The following MSI2 variants were observed in gnomAD, a reference collection of about 807,000 sequenced individuals.
MSI2 encodes musashi RNA binding protein 2.
Under a neutral mutation model 45.6 loss-of-function variants are expected in MSI2, and 17 were observed. That is an observed-to-expected ratio of 0.37 (90% CI 0.26 to 0.56). MSI2 has a LOEUF of 0.56. MSI2 is among the 20% of genes least tolerant of loss of function. MSI2 has a pLI of 0.77. For synonymous variants in MSI2, 156 were observed against 158.2 expected, an observed-to-expected ratio of 0.99 and a Z score of 0.11; for missense variants, 293 against 444.2, an observed-to-expected ratio of 0.66 and a Z score of 3.06.
At chr17:57,257,313 GC>G (rs1219223201) in intron 2 of MSI2, among the ~76,000 whole-genome samples, 152 bp from the exon 3 acceptor site, 1 of 141,856 alleles carries the variant, frequency 7.0e-6, no homozygotes. Context: ...GACCTCTGTT[GC>G]CGAATTTCCC....
intron 6 of MSI2, among the ~76,000 whole-genome samples, chr17:57,468,347 G>A (rs1480104909): frequency 1.3e-5 from 2 of 151,348 alleles, no homozygotes; most frequent in Non-Finnish European, 2.9e-5. Flanking sequence ...GTGAAACCCC[G>A]TCTCTACTAA....
intron 6 of MSI2, among the ~76,000 whole-genome samples, chr17:57,438,861 G>T (rs1299732856): frequency 1.3e-5 from 2 of 151,356 alleles, no homozygotes; most frequent in Non-Finnish European, 2.9e-5. Context: ...GAGTGCAATG[G>T]CGCAGGTTGC....
intron 10 of MSI2, among the ~76,000 whole-genome samples, chr17:57,639,654 G>T (rs952644760): frequency 7.2e-5 from 11 of 152,244 alleles, no homozygotes; most frequent in African/African-American, 2.4e-4. Flanking sequence ...TTCCACTGAG[G>T]TCCTGCTGCC....
At chr17:57,656,496 G>GA (rs1911599625) in intron 11 of MSI2, among the ~76,000 whole-genome samples, 1 of 152,198 alleles carries the variant, frequency 6.6e-6, no homozygotes, top group Non-Finnish European at 1.5e-5. Context: ...GGTCTATGTG[G>GA]CAGTCCTGTC....
chr17:57,256,318 G>T (rs1906703658), upstream of MSI2, among the ~76,000 whole-genome samples: 1 of 151,688 alleles, frequency 6.6e-6, no homozygotes, highest in African/African-American at 2.4e-5. Flanking sequence ...CACCCTTGTG[G>T]GTCCGGCCGT....
intron 6 of MSI2, among the ~76,000 whole-genome samples, chr17:57,494,088 G>A (rs1206267457): frequency 6.6e-6 from 1 of 152,124 alleles, no homozygotes; most frequent in Non-Finnish European, 1.5e-5. Context: ...ACTACCGGGT[G>A]CGATAAGGCA....
chr17:57,556,960 C>T (rs1219540483), intron 7 of MSI2, among the ~76,000 whole-genome samples: 1 of 152,158 alleles, frequency 6.6e-6, no homozygotes, highest in East Asian at 1.9e-4. Flanking sequence ...TCAGTGGAAG[C>T]ACCGGGTGTG....
chr17:57,368,369 A>C (rs2083371168), intron 5 of MSI2, among the ~76,000 whole-genome samples: 1 of 152,074 alleles, frequency 6.6e-6, no homozygotes, highest in South Asian at 2.1e-4. Context: ...CAGCCTGGCC[A>C]AAATGGCAAA....
intron 7 of MSI2, among the ~76,000 whole-genome samples, chr17:57,567,470 G>A (rs2087763170): frequency 6.6e-6 from 1 of 152,250 alleles, no homozygotes; most frequent in Non-Finnish European, 1.5e-5. Context: ...GGCTTGGCAG[G>A]CCGCCATGTT....
In MSI2 at chr17:57,681,466, C is replaced by T. The variant is rs972879403; in HGVS notation, c.*1949C>T. On this transcript the variant is annotated 3_prime_UTR_variant, in exon 14 of 14. Coordinates refer to ENST00000284073, the MANE Select transcript of MSI2 (RefSeq NM_138962.4). ...ATGCGACATTTATTATAAAGAGCTGCTGCACTCCTATTTTTATAAATTTTA... is the reference window on the plus strand; with the variant it reads ...ATGCGACATTTATTATAAAGAGCTGTTGCACTCCTATTTTTATAAATTTTA... The T allele has an allele frequency of 1.1e-5, 2 of 180,898 alleles. No homozygotes were observed. Among genetic ancestry groups the T allele is most frequent in the Non-Finnish European group, 2.4e-5 (2 of 84,798 alleles). The allele number at this position is 180,898 out of a possible 1,614,324, so 11.2% of individuals were successfully genotyped here. A position where few individuals can be genotyped will look rare whatever the true frequency, so the allele number is the denominator to read the frequency against.
chr17:57,256,028 TGGAAACAGGGCACAGC>T (rs1906678174), upstream of MSI2: 1 of 151,782 alleles, frequency 6.6e-6, no homozygotes, highest in African/African-American at 2.4e-5. Context: ...GAGCGGTGGC[TGGAAACAGGGCACAGC>T]GGAGGGCGGG....
At chr17:57,492,698 C>T (rs1045704814) in intron 6 of MSI2, among the ~76,000 whole-genome samples, 1 of 152,156 alleles carries the variant, frequency 6.6e-6, no homozygotes, top group Non-Finnish European at 1.5e-5. Flanking sequence ...CTCCCGGGTT[C>T]AAGCAATTCT....
At chr17:57,282,188 G>T (rs1458685037) in intron 5 of MSI2, among the ~76,000 whole-genome samples, 1 of 152,096 alleles carries the variant, frequency 6.6e-6, no homozygotes, top group Non-Finnish European at 1.5e-5. Context: ...GATGTGTGTT[G>T]TGGTCTTTTA....
intron 6 of MSI2, among the ~76,000 whole-genome samples, chr17:57,486,319 T>G (rs1036502729): frequency 6.6e-6 from 1 of 152,218 alleles, no homozygotes; most frequent in Non-Finnish European, 1.5e-5. Flanking sequence ...AGAGCAGAGA[T>G]ATTGCTTTCT....
At chr17:57,661,590 C>T (rs1208002575) in intron 11 of MSI2, among the ~76,000 whole-genome samples, 1 of 152,142 alleles carries the variant, frequency 6.6e-6, no homozygotes, top group Non-Finnish European at 1.5e-5. Flanking sequence ...TGGGGCTGGG[C>T]TCGTGACCTG....
chr17:57,516,962 C>G (rs1292249574), intron 6 of MSI2, among the ~76,000 whole-genome samples: 3 of 152,212 alleles, frequency 2.0e-5, no homozygotes, highest in Admixed American at 2.0e-4. Context: ...TCCTCTCTGC[C>G]TTGAAGAGTT....
Position 57,643,214 on chromosome 17 carries a change from C to A in MSI2, c.728-8885C>A, listed in dbSNP as rs568139057. 2.6e-5 allele frequency among the ~76,000 whole-genome samples: 4 copies of A among 152,326 alleles called. No individual in the cohort carries two copies. The East Asian group carries it at 7.7e-4, about 29-fold the overall frequency. On this transcript the variant is annotated intron_variant, in intron 10 of 13. Transcript: ENST00000284073. The stretch of plus-strand genomic sequence containing the variant: ...CAGGAGGAATTTCCGTGGAATTCAG[C>A]TGTGGGCCTGGAGCACCCCCTACGA...
chr17:57,356,434 C>G (rs779808621), intron 5 of MSI2, among the ~76,000 whole-genome samples: 9 of 152,166 alleles, frequency 5.9e-5, no homozygotes, highest in Admixed American at 2.0e-4. Flanking sequence ...GCCAAAAGCA[C>G]TCTTAGCAAT....
At chr17:57,441,877 T>C (rs2084806052) in intron 6 of MSI2, among the ~76,000 whole-genome samples, 1 of 152,176 alleles carries the variant, frequency 6.6e-6, no homozygotes, top group South Asian at 2.1e-4. Context: ...TCTTTCATTA[T>C]TATTTCACTA....
Sources: gnomAD v4.1 joint callset for allele counts (sites outside exome capture counted in the v4.1 genomes callset) on GRCh38, gnomAD v4.1.1 for gene constraint, MANE v1.5 for transcripts, NCBI Gene and HGNC (gene_info 2026-07-23, HGNC 2026-07-21) for gene names.